BMPR1B: variants seen among roughly 807,000 people sequenced by gnomAD.
BMPR1B encodes the protein bone morphogenetic protein receptor type 1B.
BMPR1B carries 12 observed loss-of-function variants against 59.1 expected under a neutral mutation model. The ratio of observed to expected loss-of-function variants is 0.20; its 90% CI spans 0.13 to 0.33. The LOEUF (loss-of-function observed/expected upper bound fraction) is 0.33, where lower values mean the gene tolerates loss of function less well. Among genes scored for constraint, BMPR1B ranks in the 10% least tolerant of loss-of-function variants. The pLI is 1.00. For missense variants in BMPR1B, 550 were observed against 610.9 expected (o/e 0.90, Z 1.05); for synonymous variants, 237 against 207.3 (o/e 1.14, Z -1.23).
At chr4:94,822,525 G>C (rs977164572) in intron 1 of BMPR1B, among the ~76,000 whole-genome samples, 1 of 152,172 alleles carries the variant, frequency 6.6e-6, no homozygotes, top group African/African-American at 2.4e-5. Context: ...GGATAGGGTA[G>C]AAGAGGAAGA....
chr4:95,133,278 C>T (rs1733517044), intron 10 of BMPR1B, among the ~76,000 whole-genome samples: 1 of 152,138 alleles, frequency 6.6e-6, no homozygotes, highest in African/African-American at 2.4e-5. Flanking sequence ...AATTTATTTT[C>T]TTGAAGCCTA....
intron 2 of BMPR1B, among the ~76,000 whole-genome samples, chr4:94,985,004 G>A (rs1411003000): frequency 2.6e-5 from 4 of 152,192 alleles, no homozygotes; most frequent in African/African-American, 9.7e-5. Context: ...AGGTCATTCT[G>A]TGAACAGAGG....
intron 1 of BMPR1B, among the ~76,000 whole-genome samples, chr4:94,821,526 G>A (rs1209898460): frequency 6.6e-6 from 1 of 152,054 alleles, no homozygotes; most frequent in Non-Finnish European, 1.5e-5. Flanking sequence ...TTTGGCTTAA[G>A]ATAGTGTTGG....
chr4:95,011,154 G>A (rs1355080471), intron 3 of BMPR1B, among the ~76,000 whole-genome samples: 1 of 151,924 alleles, frequency 6.6e-6, no homozygotes, highest in Non-Finnish European at 1.5e-5. Flanking sequence ...CTTGGGTCAC[G>A]GTGGTTTGTT....
intron 2 of BMPR1B, among the ~76,000 whole-genome samples, chr4:94,964,612 A>G (rs939655343): frequency 1.3e-5 from 2 of 152,188 alleles, no homozygotes; most frequent in African/African-American, 4.8e-5. Flanking sequence ...ATAATATATA[A>G]AATGGATTAA....
chr4:94,875,030 T>C (rs564537159), intron 1 of BMPR1B, among the ~76,000 whole-genome samples: 8 of 152,100 alleles, frequency 5.3e-5, no homozygotes, highest in Non-Finnish European at 1.2e-4. Flanking sequence ...GGCCAGCATT[T>C]AAGTATCAAA....
chr4:94,995,172 T>TA (rs1286639087), intron 2 of BMPR1B, among the ~76,000 whole-genome samples: 1 of 152,220 alleles, frequency 6.6e-6, no homozygotes, highest in African/African-American at 2.4e-5. Context: ...GCAAACCATG[T>TA]ACTGTAGTGT....
chr4:94,878,077 G>A (rs1053442341), intron 2 of BMPR1B, among the ~76,000 whole-genome samples: 1 of 151,972 alleles, frequency 6.6e-6, no homozygotes, highest in Non-Finnish European at 1.5e-5. Context: ...TATTATTTCA[G>A]GTTTTATTTC....
chr4:95,122,863 T>C (rs1732628711), intron 6 of BMPR1B, among the ~76,000 whole-genome samples: 1 of 152,174 alleles, frequency 6.6e-6, no homozygotes. Flanking sequence ...ATTACAATAC[T>C]ACCTTTTAAA....
chr4:94,908,805 G>T (rs1401164889), intron 2 of BMPR1B, among the ~76,000 whole-genome samples: 2 of 151,942 alleles, frequency 1.3e-5, no homozygotes, highest in Non-Finnish European at 2.9e-5. Flanking sequence ...CTTATCTTTT[G>T]CTTGAATAAT....
chr4:95,156,567 TTTC>T lies in BMPR1B; in HGVS notation c.*1896_*1898del, dbSNP rs1374739241. On this transcript the variant is annotated 3_prime_UTR_variant, in exon 13 of 13. Coordinates refer to ENST00000515059, the MANE Select transcript of BMPR1B (RefSeq NM_001203.3). ...CAGTTTGGGAGAATCATGAAGATTC[TTTC>T]TATATTTTGCATTTACTTCCCAGTG... The T allele has an allele frequency of 1.3e-5, 2 of 152,132 alleles. No homozygotes were observed. Among genetic ancestry groups the T allele is most frequent in the Non-Finnish European group, 1.5e-5 (1 of 68,006 alleles). 9.4% of individuals were successfully genotyped at this position (152,132 alleles called of 1,614,324 possible). A position where few individuals can be genotyped will look rare whatever the true frequency, so the allele number is the denominator to read the frequency against.
At chr4:94,784,877 G>C (rs1722706993) in intron 1 of BMPR1B, among the ~76,000 whole-genome samples, 1 of 152,056 alleles carries the variant, frequency 6.6e-6, no homozygotes, top group African/African-American at 2.4e-5. Context: ...CCTCCTCTTT[G>C]GTACAGCCTT....
At chr4:94,932,599 G>T (rs183770997) in intron 2 of BMPR1B, among the ~76,000 whole-genome samples, 8 of 152,196 alleles carry the variant, frequency 5.3e-5, no homozygotes, top group Admixed American at 3.9e-4. Flanking sequence ...AGGGCAGTTT[G>T]TCATAAATAA....
At chr4:95,088,969 T>G (rs1327900230) in intron 3 of BMPR1B, among the ~76,000 whole-genome samples, 1 of 152,178 alleles carries the variant, frequency 6.6e-6, no homozygotes, top group African/African-American at 2.4e-5. Flanking sequence ...GAATACAATT[T>G]GGTAAAATGT....
intron 2 of BMPR1B, among the ~76,000 whole-genome samples, chr4:94,958,205 C>T (rs984862708): frequency 6.6e-6 from 1 of 152,150 alleles, no homozygotes; most frequent in African/African-American, 2.4e-5. Context: ...CAGATTACTT[C>T]ATTTCTTTCC....
At chr4:95,099,051 A>G (rs1312788588) in intron 3 of BMPR1B, among the ~76,000 whole-genome samples, 1 of 152,152 alleles carries the variant, frequency 6.6e-6, no homozygotes, top group Non-Finnish European at 1.5e-5. Flanking sequence ...GATTGGAAAT[A>G]TTGTGACTTG....
chr4:95,086,359 G>T (rs564525955), intron 3 of BMPR1B, among the ~76,000 whole-genome samples: 93 of 152,296 alleles, frequency 6.1e-4, no homozygotes, highest in African/African-American at 2.1e-3. Context: ...TGCCAGGCTT[G>T]TTACACAGCA....
Position 94,981,283 on chromosome 4 carries a change from A to G in BMPR1B, c.-112-14757A>G, listed in dbSNP as rs1384582910. On this transcript the variant is annotated intron_variant, in intron 2 of 12. Coordinates refer to ENST00000515059, the MANE Select transcript of BMPR1B (RefSeq NM_001203.3). ...CAGTGGCGCAATCACTGCTCACTGC[A>G]GCCTTGAACTCCTGGGCTCAAGCAA... Among the ~76,000 whole-genome samples, 3 of 151,942 alleles carry G rather than the reference A, an allele frequency of 2.0e-5. No individual in the cohort carries two copies. In the East Asian group the frequency reaches 5.8e-4, roughly 29 times the overall value.
At chr4:94,903,855 A>G (rs1367267230) in intron 2 of BMPR1B, among the ~76,000 whole-genome samples, 2 of 152,002 alleles carry the variant, frequency 1.3e-5, no homozygotes, top group Non-Finnish European at 2.9e-5. Context: ...CTCAGAAGAA[A>G]GCAGCCCTGT....
Sources: gnomAD v4.1 joint callset for allele counts (sites outside exome capture counted in the v4.1 genomes callset) on GRCh38, gnomAD v4.1.1 for gene constraint, MANE v1.5 for transcripts, NCBI Gene and HGNC (gene_info 2026-07-23, HGNC 2026-07-21) for gene names.